The following ZNF365 variants were observed in gnomAD, a reference collection of about 807,000 sequenced individuals.
The protein encoded by ZNF365 is protein ZNF365.
In ZNF365, 22 loss-of-function variants were observed where a neutral mutation model predicts 35.0. That is an observed-to-expected ratio of 0.63 (90% CI 0.45 to 0.90). The LOEUF is 0.90. Ranked by LOEUF, ZNF365 falls within the 40% of genes least tolerant of loss-of-function variation. ZNF365 has a pLI of 0.00. For synonymous variants in ZNF365, 188 were observed against 196.2 expected, an observed-to-expected ratio of 0.96 and a Z score of 0.35; for missense variants, 448 against 500.3, an observed-to-expected ratio of 0.90 and a Z score of 1.00.
At chr10:62,381,253 G>A (rs1839433708) in intron 2 of ZNF365, among the ~76,000 whole-genome samples, 1 of 152,146 alleles carries the variant, frequency 6.6e-6, no homozygotes, top group Non-Finnish European at 1.5e-5. Context: ...TGCTAGAGAT[G>A]GCCCCTGAGT....
intron 3 of ZNF365, among the ~76,000 whole-genome samples, chr10:62,454,066 AAACGTATACCTTGCTGTTCATGTAC>A (rs1439039529): frequency 6.6e-6 from 1 of 152,074 alleles, no homozygotes; most frequent in African/African-American, 2.4e-5. Flanking sequence ...TTTCCTTTTT[AAACGTATACCTTGCTGTTCATGTAC>A]AACTCAGTGT....
chr10:62,382,112 G>GT (rs1042576514), intron 2 of ZNF365, among the ~76,000 whole-genome samples: 2 of 152,148 alleles, frequency 1.3e-5, no homozygotes, highest in African/African-American at 2.4e-5. Flanking sequence ...GCCCATTTAG[G>GT]TTTTTTTCCA....
chr10:62,461,054 A>G (rs903059540), intron 4 of ZNF365, among the ~76,000 whole-genome samples: 1 of 152,184 alleles, frequency 6.6e-6, no homozygotes, highest in African/African-American at 2.4e-5. Context: ...GTGCCTCTAC[A>G]TTCAGACTCA....
chr10:62,418,202 C>T (rs1239797598), intron 3 of ZNF365, among the ~76,000 whole-genome samples: 2 of 151,870 alleles, frequency 1.3e-5, no homozygotes, highest in African/African-American at 4.8e-5. Context: ...AAAGTCTCAA[C>T]CCTGGTCAAT....
At chr10:62,462,838 T>G (rs146601385) in intron 4 of ZNF365, among the ~76,000 whole-genome samples, 296 of 152,330 alleles carry the variant, frequency 1.9e-3, no homozygotes, top group South Asian at 1.5e-3. Context: ...TTACACCTAT[T>G]TCAAATATTG....
At chr10:62,427,038 T>C (rs1840260822) in intron 3 of ZNF365, among the ~76,000 whole-genome samples, 1 of 152,230 alleles carries the variant, frequency 6.6e-6, no homozygotes, top group Non-Finnish European at 1.5e-5. Context: ...AAGGTTATAA[T>C]GGAGCATAAA....
At chr10:62,427,124 G>A (rs943054725) in intron 3 of ZNF365, among the ~76,000 whole-genome samples, 6 of 152,128 alleles carry the variant, frequency 3.9e-5, no homozygotes, top group African/African-American at 2.4e-5. Flanking sequence ...TTGTGGTGAT[G>A]GTTAATAAAT....
intron 3 of ZNF365, among the ~76,000 whole-genome samples, chr10:62,420,960 T>A (rs1169963165): frequency 6.8e-6 from 1 of 148,034 alleles, no homozygotes; most frequent in Non-Finnish European, 1.5e-5. Context: ...TTTTTTATAT[T>A]TTTGTAGAGA....
intron 3 of ZNF365, among the ~76,000 whole-genome samples, chr10:62,409,443 T>G (rs956423937): frequency 7.2e-5 from 11 of 152,168 alleles, no homozygotes; most frequent in Non-Finnish European, 1.5e-4. Flanking sequence ...CCGTCTCTGT[T>G]GCCTGCAACT....
At chr10:62,479,986 A>G in exon 5 of ZNF365, 1 of 1,584,998 alleles carries the variant, frequency 6.3e-7, no homozygotes. Context: ...TCATTCAACA[A>G]ATATTTATTA....
chr10:62,472,399 C>T (rs1421043176), intron 4 of ZNF365, among the ~76,000 whole-genome samples: 2 of 152,140 alleles, frequency 1.3e-5, no homozygotes, highest in Non-Finnish European at 2.9e-5. Flanking sequence ...GGCATCTTTG[C>T]AGAAGTAATC....
chr10:62,445,543 T>C (rs770351126), intron 3 of ZNF365, among the ~76,000 whole-genome samples: 2 of 152,160 alleles, frequency 1.3e-5, no homozygotes, highest in Non-Finnish European at 2.9e-5. Flanking sequence ...CATGGAGAGC[T>C]TTGAAAAAGA....
chr10:62,465,448 C>CACCT (rs994040129), intron 4 of ZNF365, among the ~76,000 whole-genome samples: 3 of 152,154 alleles, frequency 2.0e-5, no homozygotes, highest in African/African-American at 7.2e-5. Flanking sequence ...AGTGAAAACC[C>CACCT]ACCTTCAAGC....
chr10:62,452,761 A>G (rs149811042), intron 3 of ZNF365, among the ~76,000 whole-genome samples: 1 of 152,370 alleles, frequency 6.6e-6, no homozygotes, highest in East Asian at 1.9e-4. Flanking sequence ...ATTCTCTTGT[A>G]TCTTTGGGCT....
chr10:62,458,497 C>CACAT (rs59462069), intron 3 of ZNF365, among the ~76,000 whole-genome samples: 6 of 141,326 alleles, frequency 4.2e-5, no homozygotes, highest in East Asian at 2.1e-4. Flanking sequence ...CACACACACA[C>CACAT]ATATATATAT....
chr10:62,438,438 T>C (rs1036841973), intron 3 of ZNF365, among the ~76,000 whole-genome samples: 1 of 152,112 alleles, frequency 6.6e-6, no homozygotes, highest in Non-Finnish European at 1.5e-5. Flanking sequence ...TACACCCGCG[T>C]TGGCCTCCCA....
chr10:62,428,027 C>A (rs889185604), intron 3 of ZNF365, among the ~76,000 whole-genome samples: 1 of 152,112 alleles, frequency 6.6e-6, no homozygotes. Flanking sequence ...TAGCCTCAAC[C>A]GCAGGTTTAG....
At chr10:62,390,840 A>C (rs187198057) in intron 3 of ZNF365, among the ~76,000 whole-genome samples, 3 of 152,248 alleles carry the variant, frequency 2.0e-5, no homozygotes, top group Non-Finnish European at 4.4e-5. Flanking sequence ...ATAAGTATTT[A>C]TGTATCTAAA....
intron 2 of ZNF365, among the ~76,000 whole-genome samples, chr10:62,379,450 G>A (rs1282618360): frequency 6.6e-6 from 1 of 151,010 alleles, no homozygotes; most frequent in Non-Finnish European, 1.5e-5. Flanking sequence ...CATAAACAAA[G>A]TCTTTTTTTT....
Sources: allele counts gnomAD v4.1 joint callset (sites outside exome capture counted in the v4.1 genomes callset), GRCh38; gene constraint gnomAD v4.1.1; transcripts MANE v1.5; gene names NCBI Gene and HGNC (gene_info 2026-07-23, HGNC 2026-07-21).